Variants in ADGRB3 observed in about 807,000 individuals in gnomAD.
ADGRB3 encodes the protein adhesion G protein-coupled receptor B3.
ADGRB3 carries 37 observed loss-of-function variants against 193.4 expected under a neutral mutation model. The ratio of observed to expected loss-of-function variants is 0.19; its 90% CI spans 0.15 to 0.25. The LOEUF is 0.25. ADGRB3 is among the 10% of genes least tolerant of loss of function. ADGRB3 has a pLI of 1.00. For synonymous variants in ADGRB3, 690 were observed against 644.2 expected, an observed-to-expected ratio of 1.07 and a Z score of -1.08; for missense variants, 1,637 against 1,852.9, an observed-to-expected ratio of 0.88 and a Z score of 2.14.
chr6:68,800,913 G>A (rs1344064677), intron 3 of ADGRB3, among the ~76,000 whole-genome samples: 1 of 152,128 alleles, frequency 6.6e-6, no homozygotes, highest in Admixed American at 6.5e-5. Flanking sequence ...AAGAAAGCAG[G>A]TAGCCAACTT....
intron 3 of ADGRB3, among the ~76,000 whole-genome samples, chr6:68,700,758 G>A (rs1454507651): frequency 6.8e-6 from 1 of 147,698 alleles, no homozygotes; most frequent in Non-Finnish European, 1.5e-5. Context: ...ACTCACAGGT[G>A]GGAATTGAAC....
intron 17 of ADGRB3, among the ~76,000 whole-genome samples, chr6:69,095,018 T>C (rs1274867674): frequency 2.0e-5 from 3 of 152,234 alleles, no homozygotes; most frequent in African/African-American, 7.2e-5. Flanking sequence ...ACCTTTGTGC[T>C]TTAGGACTTT....
rs551229823 is a variant in ADGRB3 at position 69,266,452 on chromosome 6, C to T, written c.2814+27226C>T. 3.3e-5 allele frequency among the ~76,000 whole-genome samples: 5 copies of T among 152,000 alleles called. No homozygotes were observed. In the South Asian group the frequency reaches 1.0e-3, roughly 32 times the overall value. ...ACCCCTTGAGACCTAATACAAATTA[C>T]TATTTCTAGAGAGTTAGCACAAAAA... On this transcript the variant is annotated intron_variant, in intron 20 of 31. Coordinates refer to ENST00000370598, the MANE Select transcript of ADGRB3 (RefSeq NM_001704.3).
chr6:69,144,078 T>C (rs1774416211), intron 17 of ADGRB3, among the ~76,000 whole-genome samples: 1 of 152,220 alleles, frequency 6.6e-6, no homozygotes, highest in Non-Finnish European at 1.5e-5. Flanking sequence ...TTTATAGTTT[T>C]CATTATTGAA....
At chr6:68,846,903 C>A (rs893906314) in intron 3 of ADGRB3, among the ~76,000 whole-genome samples, 57 of 152,156 alleles carry the variant, frequency 3.7e-4, no homozygotes, top group African/African-American at 1.3e-3. Context: ...TTGCACCATG[C>A]ACCTAGAAAA....
intron 13 of ADGRB3, among the ~76,000 whole-genome samples, chr6:69,046,218 G>T (rs6904267): frequency 0.42 from 64,532 of 151,918 alleles, 14,389 homozygotes; most frequent in Middle Eastern, 0.47. Flanking sequence ...GAAACTAATT[G>T]TATGGCAGTC....
intron 20 of ADGRB3, among the ~76,000 whole-genome samples, chr6:69,302,013 A>C (rs1052164068): frequency 3.3e-5 from 5 of 151,954 alleles, no homozygotes; most frequent in African/African-American, 1.2e-4. Context: ...TTTAGCTTTA[A>C]AAAATGTCCA....
chr6:69,267,911 C>T (rs1300611113), intron 20 of ADGRB3, among the ~76,000 whole-genome samples: 1 of 152,150 alleles, frequency 6.6e-6, no homozygotes, highest in African/African-American at 2.4e-5. Context: ...GTTTCAATGG[C>T]TCTGATCATG....
Position 68,910,546 on chromosome 6 carries a change from A to G in ADGRB3, c.758-20013A>G, listed in dbSNP as rs542550399. Among the ~76,000 whole-genome samples, 7 of 152,270 alleles carry G rather than the reference A, an allele frequency of 4.6e-5. No homozygotes were observed. The East Asian group carries it at 1.4e-3, about 29-fold the overall frequency. On this transcript the variant is annotated intron_variant, in intron 3 of 31. Coordinates refer to ENST00000370598, the MANE Select transcript of ADGRB3 (RefSeq NM_001704.3). ...GGGTTTTTATGGTTTTAGGTCTAACATTTAAGTCTTTAATCCATCTTGAAT... is the reference window on the plus strand; with the variant it reads ...GGGTTTTTATGGTTTTAGGTCTAACGTTTAAGTCTTTAATCCATCTTGAAT...
intron 3 of ADGRB3, among the ~76,000 whole-genome samples, chr6:68,887,541 G>C (rs905604450): frequency 6.6e-6 from 1 of 151,998 alleles, no homozygotes; most frequent in African/African-American, 2.4e-5. Flanking sequence ...AAATAGTGGA[G>C]TTTCTTACAT....
intron 3 of ADGRB3, among the ~76,000 whole-genome samples, chr6:68,698,988 T>C: frequency 6.6e-6 from 1 of 152,098 alleles, no homozygotes; most frequent in South Asian, 2.1e-4. Context: ...CACAGATTTA[T>C]CTAACTTTTG....
intron 3 of ADGRB3, among the ~76,000 whole-genome samples, chr6:68,848,000 TA>T (rs558625862): frequency 6.6e-6 from 1 of 152,032 alleles, no homozygotes; most frequent in South Asian, 2.1e-4. Context: ...AAATTAAATC[TA>T]AAAAAAGACG....
intron 3 of ADGRB3, among the ~76,000 whole-genome samples, chr6:68,724,269 A>G (rs1450596214): frequency 6.6e-6 from 1 of 151,720 alleles, no homozygotes; most frequent in Non-Finnish European, 1.5e-5. Flanking sequence ...CATATTGCAC[A>G]GATGCCAAAT....
chr6:69,254,263 T>C (rs985997771), intron 20 of ADGRB3, among the ~76,000 whole-genome samples: 1 of 152,196 alleles, frequency 6.6e-6, no homozygotes, highest in African/African-American at 2.4e-5. Flanking sequence ...CATCAAAATA[T>C]CTGAAAACAG....
chr6:68,701,239 A>G (rs1157549337), intron 3 of ADGRB3, among the ~76,000 whole-genome samples: 1 of 152,214 alleles, frequency 6.6e-6, no homozygotes, highest in Non-Finnish European at 1.5e-5. Flanking sequence ...ATGGTACAAT[A>G]GTAAAGCCAA....
chr6:69,254,697 C>CT (rs965552765), intron 20 of ADGRB3, among the ~76,000 whole-genome samples: 163 of 146,630 alleles, frequency 1.1e-3, no homozygotes, highest in Non-Finnish European at 1.7e-3. Context: ...CTTTGTATTT[C>CT]TTTTTTTTTT....
At chr6:69,009,878 A>G (rs1769882167) in intron 11 of ADGRB3, among the ~76,000 whole-genome samples, 1 of 152,118 alleles carries the variant, frequency 6.6e-6, no homozygotes. Context: ...TTTCCATGGA[A>G]ATAGGAATTC....
chr6:68,810,861 G>A (rs2127375521), intron 3 of ADGRB3, among the ~76,000 whole-genome samples: 1 of 152,244 alleles, frequency 6.6e-6, no homozygotes, highest in Admixed American at 6.5e-5. Context: ...ATGGACACTG[G>A]TAGAAGGATT....
At chr6:68,801,285 C>T (rs1424695701) in intron 3 of ADGRB3, among the ~76,000 whole-genome samples, 1 of 152,174 alleles carries the variant, frequency 6.6e-6, no homozygotes, top group African/African-American at 2.4e-5. Context: ...GTAAGTATCT[C>T]TTTCATTCAG....
Sources: gnomAD v4.1 joint callset for allele counts (sites outside exome capture counted in the v4.1 genomes callset) on GRCh38, gnomAD v4.1.1 for gene constraint, MANE v1.5 for transcripts, NCBI Gene and HGNC (gene_info 2026-07-23, HGNC 2026-07-21) for gene names.